LRIG1: variants seen among roughly 807,000 people sequenced by gnomAD.
The protein encoded by LRIG1 is leucine-rich repeats and immunoglobulin-like domains protein 1.
A neutral mutation model predicts 99.2 loss-of-function variants in LRIG1; 48 were observed. The ratio of observed to expected loss-of-function variants is 0.48; its 90% CI spans 0.38 to 0.62. LRIG1 has a LOEUF of 0.62. LRIG1 is among the 20% of genes least tolerant of loss of function. The probability of loss-of-function intolerance (pLI) is 0.00; values close to 1 mark genes in which losing one functional copy is unlikely to be tolerated. For missense variants in LRIG1, 1,646 were observed against 1,434.4 expected, an observed-to-expected ratio of 1.15 and a Z score of -2.38; for synonymous variants, 772 against 596.1, an observed-to-expected ratio of 1.29 and a Z score of -4.30.
chr3:66,422,474 C>G (rs1467306248), intron 3 of LRIG1, among the ~76,000 whole-genome samples: 1 of 152,210 alleles, frequency 6.6e-6, no homozygotes, highest in Admixed American at 6.5e-5. Context: ...TGCTGCCAGT[C>G]TCTTTGCTAA....
At chr3:66,493,071 T>G (rs1327945392) in intron 1 of LRIG1, among the ~76,000 whole-genome samples, 5 of 150,986 alleles carry the variant, frequency 3.3e-5, no homozygotes, top group Non-Finnish European at 7.3e-5. Flanking sequence ...AATTGTCTCC[T>G]GTCCTCCCTC....
In LRIG1 at chr3:66,500,336, A is replaced by T; in HGVS notation, c.72T>A (p.Leu24=). 1 of 1,493,494 alleles carries T rather than the reference A, an allele frequency of 6.7e-7. No homozygotes were observed. The highest frequency in any genetic ancestry group is 8.9e-7 in the Non-Finnish European group (1 of 1,127,254). 92.5% of individuals were successfully genotyped at this position (1,493,494 alleles called of 1,614,324 possible). Residue 24 remains leucine (L), a synonymous_variant, in exon 1 of 19, where the codon CTT becomes CTA. Coordinates refer to ENST00000273261, the MANE Select transcript of LRIG1 (RefSeq NM_015541.3). The part of the protein sequence containing the change: ...RSPCLLLLWL[L]LLRLEPVTAA... ...CGGTCACCGGCTCCAGCCGAAGCAA[A>T]AGCAGCCAGAGAAGGAGAAGGCAAG...
intron 4 of LRIG1, among the ~76,000 whole-genome samples, chr3:66,415,632 TA>T (rs1702596147): frequency 6.6e-6 from 1 of 152,156 alleles, no homozygotes; most frequent in African/African-American, 2.4e-5. Context: ...AATCCCTTCG[TA>T]AAACAAGCAA....
chr3:66,479,536 A>G (rs560381665), intron 1 of LRIG1, among the ~76,000 whole-genome samples: 1 of 152,366 alleles, frequency 6.6e-6, no homozygotes, highest in Admixed American at 6.5e-5. Flanking sequence ...CAACCAGGGG[A>G]ATACCCCAAG....
chr3:66,381,656 A>T, intron 16 of LRIG1, 25 bp from the exon 17 acceptor site: 1 of 1,604,780 alleles, frequency 6.2e-7, no homozygotes, highest in Non-Finnish European at 8.5e-7. Flanking sequence ...CAACACGATT[A>T]GAAACTCTGG....
chr3:66,419,172 A>G (rs1702721018), intron 3 of LRIG1, among the ~76,000 whole-genome samples: 1 of 152,202 alleles, frequency 6.6e-6, no homozygotes, highest in South Asian at 2.1e-4. Context: ...AGAAAGGCAC[A>G]AAGAGGGGGT....
intron 1 of LRIG1, among the ~76,000 whole-genome samples, chr3:66,493,212 T>G (rs13316006): frequency 6.6e-6 from 1 of 152,138 alleles, no homozygotes; most frequent in South Asian, 2.1e-4. Flanking sequence ...TGAGAGGTGC[T>G]ACTTGCACCT....
At chr3:66,383,658 T>C (rs1324299639) in intron 14 of LRIG1, among the ~76,000 whole-genome samples, 5 of 152,098 alleles carry the variant, frequency 3.3e-5, no homozygotes, top group Non-Finnish European at 7.4e-5. Flanking sequence ...GTCAGGCCTG[T>C]GTCCTTATTC....
intron 2 of LRIG1, among the ~76,000 whole-genome samples, chr3:66,453,941 G>A (rs1284765239): frequency 2.0e-5 from 3 of 152,316 alleles, no homozygotes; most frequent in Middle Eastern, 3.4e-3. Context: ...AATGAACAAG[G>A]GAAGCGGGCA....
At chr3:66,416,192 G>A (rs1227879546) in intron 4 of LRIG1, among the ~76,000 whole-genome samples, 3 of 152,186 alleles carry the variant, frequency 2.0e-5, no homozygotes, top group Non-Finnish European at 4.4e-5. Flanking sequence ...GTGGTGTCAC[G>A]TGGACACCTT....
At chr3:66,439,303 T>C (rs1197423675) in intron 3 of LRIG1, among the ~76,000 whole-genome samples, 3 of 152,256 alleles carry the variant, frequency 2.0e-5, no homozygotes, top group South Asian at 2.1e-4. Flanking sequence ...TCACTATGCA[T>C]GCTGATAACC....
chr3:66,396,546 G>C (rs975036871), intron 11 of LRIG1, among the ~76,000 whole-genome samples: 1 of 152,216 alleles, frequency 6.6e-6, no homozygotes, highest in South Asian at 2.1e-4. Flanking sequence ...TGGGCACAGG[G>C]CCGGCTCCAG....
intron 14 of LRIG1, 41 bp from the exon 15 acceptor site, chr3:66,383,442 T>G: frequency 1.3e-6 from 2 of 1,493,128 alleles, no homozygotes; most frequent in Non-Finnish European, 1.8e-6. Flanking sequence ...TCTCAGGGCC[T>G]CCGTTGCTCT....
At chr3:66,385,402 G>C (rs372004179) in intron 13 of LRIG1, among the ~76,000 whole-genome samples, 13 of 152,204 alleles carry the variant, frequency 8.5e-5, no homozygotes, top group African/African-American at 3.1e-4. Flanking sequence ...GCTTATAGAG[G>C]ATAAGAACTG....
intron 1 of LRIG1, among the ~76,000 whole-genome samples, chr3:66,493,653 G>C (rs1349865833): frequency 1.3e-5 from 2 of 152,056 alleles, no homozygotes; most frequent in African/African-American, 4.8e-5. Flanking sequence ...TTGGAAGCTG[G>C]GTGTGGTAGC....
At chr3:66,431,468 G>A (rs542337866) in intron 3 of LRIG1, among the ~76,000 whole-genome samples, 1 of 152,194 alleles carries the variant, frequency 6.6e-6, no homozygotes, top group Non-Finnish European at 1.5e-5. Context: ...GCCATGCATG[G>A]TTTTCTTCCA....
chr3:66,393,539 T>C (rs757688965), intron 12 of LRIG1, among the ~76,000 whole-genome samples: 3 of 152,206 alleles, frequency 2.0e-5, no homozygotes, highest in Non-Finnish European at 4.4e-5. Context: ...GCAAAAAGAA[T>C]GTAAAGCTGC....
chr3:66,385,320 G>A (rs544951201), intron 13 of LRIG1, among the ~76,000 whole-genome samples: 5 of 152,322 alleles, frequency 3.3e-5, no homozygotes, highest in Admixed American at 2.6e-4. Context: ...CTCCAATGCT[G>A]TGCCATCTAC....
chr3:66,406,894 AGAC>A (rs981087503), intron 8 of LRIG1, among the ~76,000 whole-genome samples: 29 of 152,230 alleles, frequency 1.9e-4, no homozygotes, highest in Admixed American at 3.9e-4. Flanking sequence ...TCAAATGCTC[AGAC>A]GAGAGATGCA....
Sources: allele counts gnomAD v4.1 joint callset (sites outside exome capture counted in the v4.1 genomes callset), GRCh38; gene constraint gnomAD v4.1.1; transcripts MANE v1.5; gene names NCBI Gene and HGNC (gene_info 2026-07-23, HGNC 2026-07-21).